The following BCL2L14 variants were observed in gnomAD, a reference collection of about 807,000 sequenced individuals.
The protein encoded by BCL2L14 is BCL2 like 14.
A neutral mutation model predicts 35.3 loss-of-function variants in BCL2L14; 27 were observed. That is an observed-to-expected ratio of 0.76 (90% confidence interval 0.56 to 1.05). BCL2L14 has a LOEUF of 1.05. Among genes scored for constraint, BCL2L14 ranks in the 50% least tolerant of loss-of-function variants. BCL2L14 has a pLI of 0.00. For synonymous variants in BCL2L14, 139 were observed against 145.9 expected, an observed-to-expected ratio of 0.95 and a Z score of 0.34; for missense variants, 377 against 382.6, an observed-to-expected ratio of 0.99 and a Z score of 0.12.
intron 4 of BCL2L14, among the ~76,000 whole-genome samples, chr12:12,093,695 A>G (rs1949246372): frequency 6.6e-6 from 1 of 151,674 alleles, no homozygotes; most frequent in Non-Finnish European, 1.5e-5. Flanking sequence ...TGGGAGGCTG[A>G]GACAGGAGAG....
chr12:12,091,496 A>G (rs1162844334), intron 4 of BCL2L14, among the ~76,000 whole-genome samples: 1 of 152,236 alleles, frequency 6.6e-6, no homozygotes, highest in East Asian at 1.9e-4. Flanking sequence ...TAACCCACAG[A>G]CGACTGAGTA....
Position 12,087,382 on chromosome 12 carries a change from G to A in BCL2L14, c.603G>A (p.Lys201=), listed in dbSNP as rs1373431818. The A allele has an allele frequency of 6.2e-7, 1 of 1,614,060 alleles. No individual in the cohort carries two copies. Among genetic ancestry groups the A allele is most frequent in the Non-Finnish European group, 8.5e-7 (1 of 1,179,998 alleles). ...QGHVPVASSS[K]KDEEEQILAK... is the part of the protein sequence containing the mutation. ...ACGTGCCTGTAGCTTCAAGTTCTAA[G>A]AAAGGTAAGCTTTCCTTCCCTGGGT... The change falls in exon 3 of 6, where the codon AAG becomes AAA. Residue 201 remains lysine, a synonymous_variant. Transcript: ENST00000308721.
chr12:12,077,836 G>C, intron 1 of BCL2L14: 1 of 255,538 alleles, frequency 3.9e-6, no homozygotes, highest in Non-Finnish European at 8.3e-6. Context: ...TCACTGCCTG[G>C]GACATTTCAC....
chr12:12,074,454 A>AT (rs1040135007), intron 1 of BCL2L14, among the ~76,000 whole-genome samples: 64 of 151,094 alleles, frequency 4.2e-4, no homozygotes, highest in Middle Eastern at 3.4e-3. Context: ...TCTTTTTATT[A>AT]TTTTTTTTTG....
At chr12:12,057,785 C>G (rs896867429) in intron 2 of BCL2L14, among the ~76,000 whole-genome samples, 8 of 141,932 alleles carry the variant, frequency 5.6e-5, no homozygotes, top group Admixed American at 2.1e-4. Context: ...TGAAGAACAT[C>G]AACAAACTGG....
intron 2 of BCL2L14, among the ~76,000 whole-genome samples, chr12:12,062,356 G>A (rs1408602369): frequency 2.4e-4 from 35 of 145,716 alleles, no homozygotes; most frequent in East Asian, 1.4e-3. Flanking sequence ...CCCTGATCAC[G>A]CTTGATTTAT....
intron 2 of BCL2L14, among the ~76,000 whole-genome samples, chr12:12,061,085 T>G (rs1383214986): frequency 1.8e-5 from 2 of 108,234 alleles, no homozygotes; most frequent in African/African-American, 7.3e-5. Flanking sequence ...AGTGCCAACT[T>G]AGACAATACT....
rs547426365 is a variant in BCL2L14 at position 12,088,087 on chromosome 12, G to A, written c.607+701G>A. ...CAGCCTCATTGTCTGGGATAAATACGTGAGGTTCGTTGTCTCATGCCAAGG... is the reference window on the plus strand; with the variant it reads ...CAGCCTCATTGTCTGGGATAAATACATGAGGTTCGTTGTCTCATGCCAAGG... On this transcript the variant is annotated intron_variant, in intron 3 of 5. Coordinates refer to ENST00000308721, the MANE Select transcript of BCL2L14 (RefSeq NM_138723.2). Among the ~76,000 whole-genome samples the A allele has an allele frequency of 1.4e-4, 22 of 152,266 alleles. No homozygotes were observed. The South Asian group carries it at 2.5e-3, about 17-fold the overall frequency.
intron 5 of BCL2L14, 90 bp from the exon 6 acceptor site, chr12:12,098,860 G>A (rs567868007): frequency 8.4e-5 from 79 of 942,172 alleles, no homozygotes; most frequent in Non-Finnish European, 1.2e-4. Flanking sequence ...CTCGGGTCAC[G>A]CCTGGGATAG....
chr12:12,080,674 G>A, intron 2 of BCL2L14, among the ~76,000 whole-genome samples: 1 of 151,268 alleles, frequency 6.6e-6, no homozygotes. Context: ...TGGGCTGCCT[G>A]GGCCGCTGCT....
chr12:12,058,209 C>A (rs899392667), intron 2 of BCL2L14, among the ~76,000 whole-genome samples: 1 of 151,440 alleles, frequency 6.6e-6, no homozygotes, highest in Admixed American at 6.6e-5. Context: ...GCCTCGGCCT[C>A]CCAAAGTGCT....
rs1948400617 is a variant in BCL2L14, at chr12:12,054,424, A to T, written c.-272+2577A>T. 3.3e-5 allele frequency among the ~76,000 whole-genome samples: 5 copies of T among 151,180 alleles called. No individual in the cohort carries two copies. In the South Asian group the frequency reaches 8.4e-4, roughly 25 times the overall value. ...GAGGCTGAGGCAGGAGAATTGCTTG[A>T]ACCCAGGAGGTGGAGGTTGCAGTGA... is the stretch of plus-strand genomic sequence containing the variant. On this transcript the variant is annotated intron_variant, in intron 2 of 3. Transcript: ENST00000461264.
At chr12:12,063,339 A>C (rs913960698) in intron 2 of BCL2L14, among the ~76,000 whole-genome samples, 2 of 151,078 alleles carry the variant, frequency 1.3e-5, no homozygotes, top group African/African-American at 4.9e-5. Flanking sequence ...CTTTAATCAG[A>C]TGTCCTAGGT....
intron 1 of BCL2L14, among the ~76,000 whole-genome samples, chr12:12,078,951 C>A (rs1455255887): frequency 1.3e-5 from 2 of 152,212 alleles, no homozygotes; most frequent in African/African-American, 2.4e-5. Context: ...CGTGCGCCAC[C>A]ATGCCTGGCT....
upstream of BCL2L14, among the ~76,000 whole-genome samples, chr12:12,066,517 A>T (rs937848639): frequency 6.6e-6 from 1 of 152,198 alleles, no homozygotes; most frequent in Non-Finnish European, 1.5e-5. Context: ...TGATGATATA[A>T]ATCAATTCCA....
At chr12:12,082,717 T>C (rs1288445482) in intron 2 of BCL2L14, among the ~76,000 whole-genome samples, 1 of 152,222 alleles carries the variant, frequency 6.6e-6, no homozygotes, top group Non-Finnish European at 1.5e-5. Flanking sequence ...GGCTGAATAA[T>C]ATTCTCCATA....
chr12:12,073,566 A>G (rs906362521), intron 1 of BCL2L14, among the ~76,000 whole-genome samples: 5 of 152,062 alleles, frequency 3.3e-5, no homozygotes, highest in Non-Finnish European at 7.3e-5. Context: ...CCACACACAC[A>G]CACATGCACA....
At chr12:12,086,036 T>C (rs1357431820) in intron 2 of BCL2L14, among the ~76,000 whole-genome samples, 2 of 152,210 alleles carry the variant, frequency 1.3e-5, no homozygotes, top group East Asian at 1.9e-4. Flanking sequence ...TTAGGTTGGG[T>C]GTGGTGGTGG....
At chr12:12,067,730 C>T (rs1221644276), upstream of BCL2L14, among the ~76,000 whole-genome samples, 2 of 152,182 alleles carry the variant, frequency 1.3e-5, no homozygotes, top group Non-Finnish European at 2.9e-5. Context: ...GAGTTTTCTA[C>T]AACAGCATGT....
Sources: gnomAD v4.1 joint callset for allele counts (sites outside exome capture counted in the v4.1 genomes callset) on GRCh38, gnomAD v4.1.1 for gene constraint, MANE v1.5 for transcripts, NCBI Gene and HGNC (gene_info 2026-07-23, HGNC 2026-07-21) for gene names.